The following FBXL7 variants were observed in gnomAD, a reference collection of about 807,000 sequenced individuals.
FBXL7 encodes the protein F-box and leucine rich repeat protein 7.
A neutral mutation model predicts 38.3 loss-of-function variants in FBXL7; 12 were observed. That is an observed-to-expected ratio of 0.31 (90% CI 0.20 to 0.51). FBXL7 has a LOEUF of 0.51. FBXL7 is among the 20% of genes least tolerant of loss of function. FBXL7 has a pLI of 0.98. For synonymous variants in FBXL7, 297 were observed against 300.9 expected, an observed-to-expected ratio of 0.99 and a Z score of 0.13; for missense variants, 567 against 676.4, an observed-to-expected ratio of 0.84 and a Z score of 1.79.
chr5:15,830,094 C>T (rs950629530), intron 2 of FBXL7, among the ~76,000 whole-genome samples: 13 of 152,146 alleles, frequency 8.5e-5, no homozygotes, highest in Admixed American at 1.3e-4. Context: ...TATTCTGAAG[C>T]CACTGAGACT....
intron 1 of FBXL7, among the ~76,000 whole-genome samples, chr5:15,583,091 A>G (rs1314518660): frequency 1.3e-5 from 2 of 152,176 alleles, no homozygotes; most frequent in Admixed American, 6.5e-5. Flanking sequence ...GTCATGGCAG[A>G]AGGGGAAGCA....
intron 2 of FBXL7, among the ~76,000 whole-genome samples, chr5:15,776,215 G>A (rs1350876723): frequency 1.3e-5 from 2 of 152,010 alleles, no homozygotes; most frequent in Admixed American, 6.6e-5. Flanking sequence ...AAGTGTGAAC[G>A]TACCACTCTT....
At chr5:15,924,930 G>A (rs1189784872) in intron 2 of FBXL7, among the ~76,000 whole-genome samples, 2 of 152,186 alleles carry the variant, frequency 1.3e-5, no homozygotes, top group South Asian at 2.1e-4. Flanking sequence ...CCTGCAAGGG[G>A]CTAGTGAGGC....
chr5:15,582,950 T>G (rs1561037973), intron 1 of FBXL7, among the ~76,000 whole-genome samples: 2 of 151,862 alleles, frequency 1.3e-5, no homozygotes, highest in Non-Finnish European at 2.9e-5. Flanking sequence ...TTTTTTTTTT[T>G]GTGGGGATGT....
intron 2 of FBXL7, among the ~76,000 whole-genome samples, chr5:15,902,933 C>T (rs1442650444): frequency 6.6e-6 from 1 of 152,208 alleles, no homozygotes; most frequent in African/African-American, 2.4e-5. Flanking sequence ...CAGGGCAAGC[C>T]CCGTGGGACT....
intron 2 of FBXL7, among the ~76,000 whole-genome samples, chr5:15,856,870 A>G (rs1404659804): frequency 2.0e-5 from 3 of 152,172 alleles, no homozygotes; most frequent in South Asian, 2.1e-4. Context: ...ATTATCTGTC[A>G]TAGTTAACCA....
chr5:15,503,357 G>T (rs1349530004), intron 1 of FBXL7, among the ~76,000 whole-genome samples: 1 of 152,164 alleles, frequency 6.6e-6, no homozygotes, highest in Non-Finnish European at 1.5e-5. Flanking sequence ...GGAGGCGGAG[G>T]TTGCAGTAAG....
chr5:15,837,667 A>G (rs1166501620), intron 2 of FBXL7, among the ~76,000 whole-genome samples: 1 of 152,232 alleles, frequency 6.6e-6, no homozygotes, highest in East Asian at 1.9e-4. Context: ...CATTTAAAAA[A>G]ATTCTTAGTA....
chr5:15,778,057 A>C (rs1407985617), intron 2 of FBXL7, among the ~76,000 whole-genome samples: 1 of 152,104 alleles, frequency 6.6e-6, no homozygotes, highest in African/African-American at 2.4e-5. Context: ...AATTCATAAG[A>C]GCTATCAACA....
intron 1 of FBXL7, among the ~76,000 whole-genome samples, chr5:15,585,444 T>C (rs1003325896): frequency 3.3e-5 from 5 of 152,342 alleles, no homozygotes; most frequent in Non-Finnish European, 5.9e-5. Flanking sequence ...ACCTCAAAGG[T>C]ATTTTGCAGA....
At chr5:15,795,475 A>G (rs989771047) in intron 2 of FBXL7, among the ~76,000 whole-genome samples, 2 of 152,218 alleles carry the variant, frequency 1.3e-5, no homozygotes, top group African/African-American at 2.4e-5. Context: ...CTAGGTAGGA[A>G]TTCTAAAAAA....
chr5:15,773,035 C>A (rs1039623975), intron 2 of FBXL7, among the ~76,000 whole-genome samples: 8 of 152,118 alleles, frequency 5.3e-5, no homozygotes, highest in African/African-American at 1.9e-4. Context: ...GCTAGAACCA[C>A]AGGTGCACAT....
chr5:15,592,165 G>A (rs1739498236), intron 1 of FBXL7, among the ~76,000 whole-genome samples: 1 of 152,214 alleles, frequency 6.6e-6, no homozygotes, highest in Admixed American at 6.5e-5. Context: ...GAGGCTCAGA[G>A]AACTTAAGTC....
chr5:15,892,602 A>T (rs1373933922), intron 2 of FBXL7, among the ~76,000 whole-genome samples: 1 of 152,176 alleles, frequency 6.6e-6, no homozygotes, highest in Non-Finnish European at 1.5e-5. Context: ...ACATCTGAAA[A>T]CGTATTATAT....
At chr5:15,503,620 T>A (rs1736561754) in intron 1 of FBXL7, among the ~76,000 whole-genome samples, 1 of 152,248 alleles carries the variant, frequency 6.6e-6, no homozygotes. Context: ...TGTCTCTAAA[T>A]CTTCTTCCAC....
At chr5:15,766,935 G>C (rs1736606708) in intron 2 of FBXL7, among the ~76,000 whole-genome samples, 1 of 152,136 alleles carries the variant, frequency 6.6e-6, no homozygotes, top group Non-Finnish European at 1.5e-5. Context: ...GGTTTTCCTT[G>C]TCACACCACT....
At position 15,579,065 on chromosome 5, in the gene FBXL7, C is replaced by A. The variant is rs562606804; in HGVS notation, c.38-36918C>A. Among the ~76,000 whole-genome samples the A allele has an allele frequency of 2.6e-5, 4 of 152,280 alleles. No homozygotes were observed. In the South Asian group the frequency reaches 8.3e-4, roughly 32 times the overall value. On this transcript the variant is annotated intron_variant, in intron 1 of 3. Coordinates refer to ENST00000504595, the MANE Select transcript of FBXL7 (RefSeq NM_012304.5). ...ATTTGGGTGAGATTTAACAGTGTCACGTTCTTTAACTTTCATCTTTCCAGA... is the reference window on the plus strand; with the variant it reads ...ATTTGGGTGAGATTTAACAGTGTCAAGTTCTTTAACTTTCATCTTTCCAGA...
At chr5:15,872,558 A>C (rs1324166846) in intron 2 of FBXL7, among the ~76,000 whole-genome samples, 1 of 152,244 alleles carries the variant, frequency 6.6e-6, no homozygotes, top group Non-Finnish European at 1.5e-5. Context: ...AAAGACACAC[A>C]TAGGCTCAAA....
At chr5:15,681,279 T>C (rs2126610204) in intron 2 of FBXL7, among the ~76,000 whole-genome samples, 1 of 152,342 alleles carries the variant, frequency 6.6e-6, no homozygotes, top group Admixed American at 6.5e-5. Context: ...TTATTAACTT[T>C]AGAATTATGC....
Sources: allele counts gnomAD v4.1 joint callset (sites outside exome capture counted in the v4.1 genomes callset), GRCh38; gene constraint gnomAD v4.1.1; transcripts MANE v1.5; gene names NCBI Gene and HGNC (gene_info 2026-07-23, HGNC 2026-07-21).